The following MEGF10 variants were observed in gnomAD, a reference collection of about 807,000 sequenced individuals.
MEGF10 encodes multiple epidermal growth factor-like domains protein 10.
MEGF10 carries 86 observed loss-of-function variants against 147.5 expected under a neutral mutation model. The observed-to-expected ratio is 0.58, with a 90% CI of 0.49 to 0.70. MEGF10 has a LOEUF of 0.70. MEGF10 is among the 30% of genes least tolerant of loss of function. The pLI is 0.00. For missense variants in MEGF10, 1,329 were observed against 1,487.3 expected, an observed-to-expected ratio of 0.89 and a Z score of 1.75; for synonymous variants, 478 against 525.5, an observed-to-expected ratio of 0.91 and a Z score of 1.24.
chr5:127,341,003 A>C (rs1761659333), intron 4 of MEGF10, among the ~76,000 whole-genome samples: 1 of 152,194 alleles, frequency 6.6e-6, no homozygotes, highest in African/African-American at 2.4e-5. Flanking sequence ...ACCTGAGTCA[A>C]CTTCCGAGAG....
the MEGF10 span, among the ~76,000 whole-genome samples, chr5:127,264,381 T>G: frequency 7.9e-5 from 12 of 152,170 alleles, no homozygotes; most frequent in Non-Finnish European, 1.5e-4. Context: ...TATGTACTTT[T>G]GATTGTTACA....
intron 19 of MEGF10, chr5:127,444,481 A>G (rs1026559710): frequency 6.6e-6 from 1 of 152,234 alleles, no homozygotes; most frequent in Non-Finnish European, 1.5e-5. Flanking sequence ...TCATAAAATC[A>G]TAGGAACATT....
chr5:127,442,905 G>A (rs1010428452), intron 18 of MEGF10, 93 bp from the exon 19 acceptor site: 11 of 1,352,276 alleles, frequency 8.1e-6, no homozygotes, highest in African/African-American at 2.9e-5. Flanking sequence ...CCCCTGAAAG[G>A]ACTCAGCTCT....
At chr5:127,274,323 A>G in the MEGF10 span, among the ~76,000 whole-genome samples, 1 of 152,208 alleles carries the variant, frequency 6.6e-6, no homozygotes, top group Admixed American at 6.5e-5. Context: ...TGTTTCAATG[A>G]AGAAACCTGA....
At chr5:127,269,201 G>A in the MEGF10 span, among the ~76,000 whole-genome samples, 115 of 152,338 alleles carry the variant, frequency 7.5e-4, no homozygotes, top group African/African-American at 2.3e-3. Flanking sequence ...CCAAAGGAAC[G>A]CAGCTCCTCG....
chr5:127,279,330 G>T, the MEGF10 span, among the ~76,000 whole-genome samples: 12 of 152,034 alleles, frequency 7.9e-5, no homozygotes, highest in Non-Finnish European at 1.8e-4. Context: ...ATTATGGAGA[G>T]GCTGCAATTG....
chr5:127,407,119 C>T (rs759425316), intron 8 of MEGF10, among the ~76,000 whole-genome samples: 4 of 152,264 alleles, frequency 2.6e-5, no homozygotes, highest in African/African-American at 7.2e-5. Context: ...CAGCATTGGT[C>T]GTCAATGGAG....
At chr5:127,370,920 T>C (rs954876820) in intron 5 of MEGF10, among the ~76,000 whole-genome samples, 3 of 152,240 alleles carry the variant, frequency 2.0e-5, no homozygotes, top group Non-Finnish European at 2.9e-5. Context: ...CAAGTTCGCA[T>C]GAGAGCACAC....
At chr5:127,296,957 T>G (rs1230366651) in intron 1 of MEGF10, among the ~76,000 whole-genome samples, 1 of 152,166 alleles carries the variant, frequency 6.6e-6, no homozygotes. Context: ...CCACCAGTTT[T>G]TTTTGTTTTG....
chr5:127,305,436 C>T (rs1759969442), intron 1 of MEGF10, among the ~76,000 whole-genome samples: 1 of 152,128 alleles, frequency 6.6e-6, no homozygotes, highest in Non-Finnish European at 1.5e-5. Context: ...GCCTAGGAGA[C>T]ATGTGAGGTG....
At chr5:127,351,236 C>G (rs1274601365) in intron 4 of MEGF10, among the ~76,000 whole-genome samples, 1 of 151,970 alleles carries the variant, frequency 6.6e-6, no homozygotes, top group Admixed American at 6.6e-5. Flanking sequence ...AACTGGAAAA[C>G]AGATGAGCAA....
At chr5:127,379,072 T>C (rs1763151350) in intron 5 of MEGF10, among the ~76,000 whole-genome samples, 2 of 149,882 alleles carry the variant, frequency 1.3e-5, no homozygotes, top group African/African-American at 2.5e-5. Context: ...TTCTTTTTTT[T>C]TTTTTTTTTT....
intron 8 of MEGF10, among the ~76,000 whole-genome samples, chr5:127,408,715 A>G (rs1016892879): frequency 5.3e-5 from 8 of 152,196 alleles, no homozygotes; most frequent in African/African-American, 1.9e-4. Context: ...GTGAAACTAA[A>G]TTTACATGAG....
At chr5:127,446,714 C>G (rs1765952720) in intron 20 of MEGF10, among the ~76,000 whole-genome samples, 1 of 152,184 alleles carries the variant, frequency 6.6e-6, no homozygotes, top group Admixed American at 6.5e-5. Flanking sequence ...TCCAATCAGG[C>G]CCTTTTAGGA....
chr5:127,431,510 C>T (rs1295107545), intron 13 of MEGF10, among the ~76,000 whole-genome samples: 2 of 152,120 alleles, frequency 1.3e-5, no homozygotes, highest in Non-Finnish European at 2.9e-5. Flanking sequence ...CATAAAAAAT[C>T]GGGACTGCTT....
the MEGF10 span, chr5:127,229,458 G>T: frequency 6.6e-6 from 1 of 151,978 alleles, no homozygotes; most frequent in Non-Finnish European, 1.5e-5. Context: ...TCGCCGGGTC[G>T]AGGCCTCCCG....
intron 4 of MEGF10, among the ~76,000 whole-genome samples, chr5:127,364,288 G>A (rs1762579219): frequency 6.6e-6 from 1 of 152,086 alleles, no homozygotes. Flanking sequence ...TTAACCCACA[G>A]CCCTAGACAA....
At chr5:127,306,185 C>T (rs949820734) in intron 1 of MEGF10, among the ~76,000 whole-genome samples, 8 of 152,180 alleles carry the variant, frequency 5.3e-5, no homozygotes, top group Admixed American at 2.6e-4. Context: ...GTAATTAGGG[C>T]CCCGGTGCCG....
chr5:127,394,956 T>A (rs1763842796), intron 5 of MEGF10, among the ~76,000 whole-genome samples: 1 of 152,238 alleles, frequency 6.6e-6, no homozygotes, highest in Admixed American at 6.5e-5. Flanking sequence ...TAGAGTCTAA[T>A]ATTGGAAGAC....
Sources: allele counts gnomAD v4.1 joint callset (sites outside exome capture counted in the v4.1 genomes callset), GRCh38; gene constraint gnomAD v4.1.1; transcripts MANE v1.5; gene names NCBI Gene and HGNC (gene_info 2026-07-23, HGNC 2026-07-21).